Variants in KIAA1328 observed in about 807,000 individuals in gnomAD.
KIAA1328 encodes KIAA1328, also known as protein hinderin.
In KIAA1328, 52 loss-of-function variants were observed where a neutral mutation model predicts 68.1. That is an observed-to-expected ratio of 0.76 (90% CI 0.61 to 0.96). The LOEUF (loss-of-function observed/expected upper bound fraction) is 0.96. KIAA1328 is among the 40% of genes least tolerant of loss of function. The pLI is 0.00. For missense variants in KIAA1328, 641 were observed against 677.6 expected (o/e 0.95, Z 0.60); for synonymous variants, 232 against 239.4 (o/e 0.97, Z 0.28).
chr18:37,100,247 G>C (rs375245958), intron 7 of KIAA1328, among the ~76,000 whole-genome samples: 3 of 152,176 alleles, frequency 2.0e-5, no homozygotes, highest in Non-Finnish European at 4.4e-5. Flanking sequence ...GAAGCACAAG[G>C]GGTCAGGCAA....
chr18:36,862,158 C>T (rs1319665328), intron 4 of KIAA1328, among the ~76,000 whole-genome samples: 1 of 152,148 alleles, frequency 6.6e-6, no homozygotes, highest in Non-Finnish European at 1.5e-5. Flanking sequence ...GATTACAGTA[C>T]AATATCACAG....
intron 1 of KIAA1328, among the ~76,000 whole-genome samples, chr18:36,830,210 A>G (rs142779043): frequency 5.5e-4 from 83 of 152,188 alleles, no homozygotes; most frequent in African/African-American, 2.0e-3. Flanking sequence ...AGTTACTAGG[A>G]TTAGTGTCAT....
chr18:36,972,329 C>T (rs1232469139), intron 6 of KIAA1328, among the ~76,000 whole-genome samples: 3 of 152,188 alleles, frequency 2.0e-5, no homozygotes, highest in African/African-American at 7.2e-5. Flanking sequence ...TGATTTTTCT[C>T]AGCACCAGTT....
chr18:37,160,130 A>C, intron 7 of KIAA1328, 70 bp from the exon 8 acceptor site: 1 of 1,252,876 alleles, frequency 8.0e-7, no homozygotes, highest in Non-Finnish European at 1.1e-6. Flanking sequence ...ACCCATACTG[A>C]ATTTAAATAT....
At chr18:36,932,068 G>A (rs2050329907) in intron 5 of KIAA1328, among the ~76,000 whole-genome samples, 1 of 151,748 alleles carries the variant, frequency 6.6e-6, no homozygotes, top group Non-Finnish European at 1.5e-5. Flanking sequence ...AGGGAGCATA[G>A]AGAAAAAGAT....
At chr18:36,876,654 GT>G (rs2048138861) in intron 4 of KIAA1328, among the ~76,000 whole-genome samples, 1 of 152,040 alleles carries the variant, frequency 6.6e-6, no homozygotes, top group African/African-American at 2.4e-5. Context: ...TTTTGGAAGG[GT>G]TTTTCATGTC....
At chr18:36,948,740 G>T (rs1348548242) in intron 5 of KIAA1328, among the ~76,000 whole-genome samples, 1 of 152,012 alleles carries the variant, frequency 6.6e-6, no homozygotes, top group African/African-American at 2.4e-5. Context: ...GTAGAGACGG[G>T]GTTTCTCCAT....
In KIAA1328 at chr18:36,844,225, A is replaced by G. The variant is rs1366766763; in HGVS notation, c.255A>G (p.Glu85=). 6.3e-7 allele frequency: 1 copy of G among 1,597,020 alleles called. No individual in the cohort carries two copies. Residue 85 remains glutamate (E), a synonymous_variant, in exon 4 of 10, where the codon GAA becomes GAG. Transcript: ENST00000280020. ...SVDEQNSCRG[E]IKSASLKDLC... Reference sequence around the variant, plus strand: ...TTTTTAAGAATTCCTGCAGGGGAGAAATAAAGAGTGCATCATTGAAGGATT... The same window carrying G: ...TTTTTAAGAATTCCTGCAGGGGAGAGATAAAGAGTGCATCATTGAAGGATT...
intron 6 of KIAA1328, among the ~76,000 whole-genome samples, chr18:37,016,361 G>A (rs901764338): frequency 9.9e-5 from 15 of 152,066 alleles, no homozygotes; most frequent in Non-Finnish European, 2.2e-4. Context: ...TGATCATAGT[G>A]AATTAACTTT....
rs529708265 is a variant in KIAA1328, at chr18:36,948,078, C to T, written c.449-11230C>T. ...ACTTTGGAATGCCCTCGGCCAAGAG[C>T]GGCCTTCATTCAGTCAGTTGAGGGG... On this transcript the variant is annotated intron_variant, in intron 5 of 9. Transcript: ENST00000280020. 3.9e-5 allele frequency among the ~76,000 whole-genome samples: 6 copies of T among 152,192 alleles called. No individual in the cohort carries two copies. In the East Asian group the frequency reaches 5.8e-4, roughly 15 times the overall value.
chr18:36,969,536 A>G (rs1009586643), intron 6 of KIAA1328, among the ~76,000 whole-genome samples: 4 of 152,178 alleles, frequency 2.6e-5, no homozygotes, highest in African/African-American at 9.7e-5. Flanking sequence ...TAGAAAATCT[A>G]GAAGAAATTG....
intron 1 of KIAA1328, 47 bp downstream of exon 1, chr18:36,829,243 C>T: frequency 2.0e-6 from 3 of 1,468,400 alleles, no homozygotes; most frequent in Non-Finnish European, 2.7e-6. Flanking sequence ...CTCCACGGGA[C>T]GGCGAGGGGC....
chr18:37,087,840 A>G (rs922370574), intron 7 of KIAA1328, among the ~76,000 whole-genome samples: 4 of 152,176 alleles, frequency 2.6e-5, no homozygotes, highest in Non-Finnish European at 5.9e-5. Context: ...CACTTGTTAC[A>G]TAGGCTTTCA....
intron 9 of KIAA1328, among the ~76,000 whole-genome samples, chr18:37,173,509 T>C (rs571717816): frequency 3.9e-5 from 6 of 152,360 alleles, no homozygotes; most frequent in South Asian, 2.1e-4. Flanking sequence ...GTTAAGCATT[T>C]GATCAGCCTT....
intron 9 of KIAA1328, among the ~76,000 whole-genome samples, chr18:37,185,177 AAAG>A (rs1393825038): frequency 1.3e-5 from 2 of 151,956 alleles, no homozygotes; most frequent in African/African-American, 4.8e-5. Flanking sequence ...AAAAAAAAAA[AAAG>A]AAGTTTGGGT....
intron 5 of KIAA1328, among the ~76,000 whole-genome samples, chr18:36,886,715 T>C (rs900373294): frequency 1.3e-5 from 2 of 152,204 alleles, no homozygotes; most frequent in African/African-American, 4.8e-5. Context: ...GCTAAACTAG[T>C]GTGTGAATGC....
chr18:37,165,798 G>A (rs1015546962), intron 8 of KIAA1328, among the ~76,000 whole-genome samples: 3 of 151,736 alleles, frequency 2.0e-5, no homozygotes, highest in Middle Eastern at 3.2e-3. Context: ...TCACCATGTT[G>A]GCCAGGCTGG....
intron 6 of KIAA1328, among the ~76,000 whole-genome samples, chr18:36,974,442 T>C (rs1415288790): frequency 6.6e-6 from 1 of 152,202 alleles, no homozygotes; most frequent in Non-Finnish European, 1.5e-5. Flanking sequence ...GATAAAAGCC[T>C]CCAGTTCCAT....
rs2057079094 is a variant in KIAA1328, at chr18:37,085,574, T to G, written c.1232+18029T>G. Among the ~76,000 whole-genome samples the G allele has an allele frequency of 2.6e-5, 4 of 152,196 alleles. No homozygotes were observed. The South Asian group carries it at 8.3e-4, about 32-fold the overall frequency. ...CCTTGAAAGTCCTATTCTGCCATCTTGCTGACGTCCCTCTTCCTACAAGCA... is the reference window on the plus strand; with the variant it reads ...CCTTGAAAGTCCTATTCTGCCATCTGGCTGACGTCCCTCTTCCTACAAGCA... On this transcript the variant is annotated intron_variant, in intron 7 of 9. Coordinates refer to ENST00000280020, the MANE Select transcript of KIAA1328 (RefSeq NM_020776.3).
Sources: allele counts gnomAD v4.1 joint callset (sites outside exome capture counted in the v4.1 genomes callset), GRCh38; gene constraint gnomAD v4.1.1; transcripts MANE v1.5; gene names NCBI Gene and HGNC (gene_info 2026-07-23, HGNC 2026-07-21).